Variants in GRIK4 observed in about 807,000 individuals in gnomAD.
GRIK4 encodes glutamate receptor ionotropic, kainate 4.
Under a neutral mutation model 104.9 loss-of-function variants are expected in GRIK4, and 40 were observed. That is an observed-to-expected ratio of 0.38 (90% CI 0.30 to 0.50). The LOEUF is 0.50. Ranked by LOEUF, GRIK4 falls within the 20% of genes least tolerant of loss-of-function variation. The probability of loss-of-function intolerance (pLI) is 0.93; values close to 1 mark genes in which losing one functional copy is unlikely to be tolerated. For missense variants in GRIK4, 1,047 were observed against 1,308.1 expected (o/e 0.80, Z 3.08); for synonymous variants, 485 against 524.9 (o/e 0.92, Z 1.04).
At chr11:120,544,908 A>G (rs2136090708) in intron 1 of GRIK4, among the ~76,000 whole-genome samples, 1 of 152,238 alleles carries the variant, frequency 6.6e-6, no homozygotes, top group Non-Finnish European at 1.5e-5. Context: ...GGGCAAGGGG[A>G]CCTGAGGCTT....
At chr11:120,669,151 G>A (rs1949971554) in intron 3 of GRIK4, among the ~76,000 whole-genome samples, 1 of 152,160 alleles carries the variant, frequency 6.6e-6, no homozygotes, top group African/African-American at 2.4e-5. Context: ...TCCAAAGCGT[G>A]GGTGTGTGTG....
At chr11:120,643,883 T>C (rs1348004274) in intron 1 of GRIK4, among the ~76,000 whole-genome samples, 3 of 152,158 alleles carry the variant, frequency 2.0e-5, no homozygotes, top group Non-Finnish European at 2.9e-5. Context: ...ACCCTCAGTT[T>C]CCTCTTTCAG....
chr11:120,704,794 ATC>A (rs1773391169), intron 3 of GRIK4, among the ~76,000 whole-genome samples: 2 of 151,348 alleles, frequency 1.3e-5, no homozygotes, highest in Admixed American at 6.6e-5. Flanking sequence ...ATACTATAGT[ATC>A]TCTGTTGAGA....
intron 19 of GRIK4, among the ~76,000 whole-genome samples, chr11:120,972,492 G>T (rs1386473575): frequency 6.6e-6 from 1 of 152,092 alleles, no homozygotes; most frequent in Non-Finnish European, 1.5e-5. Flanking sequence ...ATAGGATCTG[G>T]TCAAAAAGTT....
In GRIK4 at chr11:120,986,254, C is replaced by G. The variant is rs745382532; in HGVS notation, c.2865C>G (p.Pro955=). Residue 955 remains proline, a synonymous_variant, in exon 21 of 21, where the codon CCC becomes CCG. Transcript: ENST00000527524. The stretch of plus-strand genomic sequence containing the variant: ...AGAAAACCACCAACAGCAGCGAGCC[C>G]GAGTAGTCCCGGAGGCCACAGGACG... ...EWEKTTNSSE[P]E is the part of the protein sequence containing the mutation. 4.6e-6 allele frequency: 7 copies of G among 1,527,456 alleles called. No homozygotes were observed. The East Asian group carries it at 8.4e-5, about 18-fold the overall frequency. The allele number at this position is 1,527,456 out of a possible 1,614,324, so 94.6% of individuals were successfully genotyped here.
intron 1 of GRIK4, among the ~76,000 whole-genome samples, chr11:120,521,118 C>T (rs550892035): frequency 3.3e-5 from 5 of 151,976 alleles, no homozygotes; most frequent in Admixed American, 3.3e-4. Flanking sequence ...GACAGAGTTT[C>T]ACTCTCACCC....
chr11:120,781,251 A>T (rs1952151440), intron 3 of GRIK4, among the ~76,000 whole-genome samples: 1 of 151,908 alleles, frequency 6.6e-6, no homozygotes, highest in African/African-American at 2.4e-5. Context: ...AGTATTAGTC[A>T]TTTATACAAG....
chr11:120,840,512 G>A (rs1044374651), intron 8 of GRIK4, among the ~76,000 whole-genome samples: 3 of 152,110 alleles, frequency 2.0e-5, no homozygotes, highest in Non-Finnish European at 4.4e-5. Context: ...CAGCTTATGA[G>A]GTCCAAATCG....
chr11:120,658,173 C>A (rs769271586), intron 2 of GRIK4, among the ~76,000 whole-genome samples: 5 of 150,566 alleles, frequency 3.3e-5, no homozygotes, highest in South Asian at 2.1e-4. Flanking sequence ...TTTGCTAAAT[C>A]TTATATTTAT....
intron 3 of GRIK4, among the ~76,000 whole-genome samples, chr11:120,700,122 G>A (rs1252736627): frequency 6.6e-6 from 1 of 150,626 alleles, no homozygotes; most frequent in Non-Finnish European, 1.5e-5. Flanking sequence ...TGATCTCATA[G>A]TTGGTTTTTT....
intron 3 of GRIK4, among the ~76,000 whole-genome samples, chr11:120,681,172 G>A (rs1950186327): frequency 6.6e-6 from 1 of 152,188 alleles, no homozygotes; most frequent in Non-Finnish European, 1.5e-5. Context: ...TCAAAGACAG[G>A]ATCATCAAAA....
chr11:120,546,776 C>G (rs1948089176), intron 1 of GRIK4, among the ~76,000 whole-genome samples: 1 of 152,190 alleles, frequency 6.6e-6, no homozygotes, highest in African/African-American at 2.4e-5. Flanking sequence ...TCCTGAAGTC[C>G]CCTCCCACTG....
chr11:120,871,961 G>A, intron 9 of GRIK4: 2 of 454,756 alleles, frequency 4.4e-6, no homozygotes, highest in Non-Finnish European at 4.4e-6. Flanking sequence ...CCCCTCATAG[G>A]CCTCCTGGCC....
intron 11 of GRIK4, among the ~76,000 whole-genome samples, chr11:120,889,851 G>C (rs1955233093): frequency 6.6e-6 from 1 of 152,056 alleles, no homozygotes. Context: ...TAATCCGCCT[G>C]CCTTGGCCTA....
intron 1 of GRIK4, chr11:120,515,073 C>T (rs965098205): frequency 1.8e-5 from 8 of 456,018 alleles, no homozygotes; most frequent in South Asian, 6.2e-5. Context: ...GCCCTCTGCA[C>T]GCTGACCCCA....
intron 16 of GRIK4, among the ~76,000 whole-genome samples, chr11:120,958,829 C>T (rs1318975690): frequency 2.0e-5 from 3 of 152,186 alleles, no homozygotes; most frequent in African/African-American, 4.8e-5. Flanking sequence ...GCACACACCA[C>T]CACAGCTAAG....
rs143078138 is a variant in GRIK4, at chr11:120,929,335, G to A, written c.1477-11012G>A. On this transcript the variant is annotated intron_variant, in intron 13 of 20. Transcript: ENST00000527524. ...CTGAAGTCTAAGGGATGAGCCCTGC[G>A]GATGCTCGTGTGGGCCAGGAGTGGG... Among the ~76,000 whole-genome samples the A allele has an allele frequency of 1.9e-3, 285 of 152,226 alleles. 1 individual carries two copies. Among genetic ancestry groups the A allele is most frequent in the African/African-American group, 6.5e-3 (269 of 41,530 alleles).
chr11:120,555,937 C>T lies in GRIK4; in HGVS notation c.-159+44050C>T, dbSNP rs1948181400. 6.6e-6 allele frequency among the ~76,000 whole-genome samples: 1 copy of T among 152,160 alleles called. No homozygotes were observed. Among genetic ancestry groups the T allele is most frequent in the Non-Finnish European group, 1.5e-5 (1 of 68,020 alleles). ...TGACACAGGCACTTCTCACCACAGA[C>T]AGGTCATATTTCTAATGGTTTACTT... On this transcript the variant is annotated intron_variant, in intron 1 of 20. Coordinates refer to ENST00000527524, the MANE Select transcript of GRIK4 (RefSeq NM_014619.5). The surrounding 1 kb of genome is among the most constrained non-coding windows in gnomAD (Gnocchi z 5.3).
chr11:120,554,622 G>A (rs1407464999), intron 1 of GRIK4, among the ~76,000 whole-genome samples: 4 of 151,470 alleles, frequency 2.6e-5, no homozygotes, highest in African/African-American at 9.7e-5. Context: ...TCAGTGGCGC[G>A]ATCTCTGCTC....
Sources: gnomAD v4.1 joint callset for allele counts (sites outside exome capture counted in the v4.1 genomes callset) on GRCh38, gnomAD v4.1.1 for gene constraint, Gnocchi (gnomAD v3.1) non-coding constraint, MANE v1.5 for transcripts, NCBI Gene and HGNC (gene_info 2026-07-23, HGNC 2026-07-21) for gene names.